Variants in DDX4 observed in about 807,000 individuals in gnomAD.
The protein encoded by DDX4 is probable ATP-dependent RNA helicase DDX4.
DDX4 carries 25 observed loss-of-function variants against 100.0 expected under a neutral mutation model. The ratio of observed to expected loss-of-function variants is 0.25; its 90% CI spans 0.18 to 0.35. The LOEUF is 0.35. Among genes scored for constraint, DDX4 ranks in the 10% least tolerant of loss-of-function variants. The probability of loss-of-function intolerance (pLI) is 1.00; values close to 1 mark genes in which losing one functional copy is unlikely to be tolerated. For synonymous variants in DDX4, 259 were observed against 275.7 expected (o/e 0.94, Z 0.60); for missense variants, 635 against 882.4 (o/e 0.72, Z 3.55).
chr5:55,761,014 T>A (rs1362199765), intron 4 of DDX4, among the ~76,000 whole-genome samples: 1 of 152,224 alleles, frequency 6.6e-6, no homozygotes, highest in Non-Finnish European at 1.5e-5. Context: ...AAAAACTCTA[T>A]TGAGACTTGC....
chr5:55,763,052 T>A lies in DDX4; in HGVS notation c.206-123T>A, dbSNP rs373133984. The A allele has an allele frequency of 2.9e-4, 173 of 599,088 alleles. 1 individual carries two copies. The Middle Eastern group carries it at 3.1e-3, about 11-fold the overall frequency. The allele number at this position is 599,088 out of a possible 1,614,324, so 37.1% of individuals were successfully genotyped here. A position where few individuals can be genotyped will look rare whatever the true frequency, so the allele number is the denominator to read the frequency against. On this transcript the variant is annotated intron_variant, in intron 4 of 21. Coordinates refer to ENST00000505374, the MANE Select transcript of DDX4 (RefSeq NM_024415.3). ...GGTATATTAATTAATTTTAGGTTTC[T>A]GTGCTACTCTTTTCCCATCCTTGGA...
chr5:55,812,319 T>C (rs1466926361), intron 18 of DDX4, among the ~76,000 whole-genome samples: 3 of 152,128 alleles, frequency 2.0e-5, no homozygotes, highest in Admixed American at 1.3e-4. Flanking sequence ...CCCAGCACTT[T>C]GGGAGGCCGA....
intron 3 of DDX4, among the ~76,000 whole-genome samples, chr5:55,748,730 T>A (rs576675102): frequency 1.3e-5 from 2 of 151,792 alleles, no homozygotes; most frequent in East Asian, 1.9e-4. Context: ...CTTATTGTTT[T>A]AAAAAAAAGG....
At chr5:55,798,663 T>C (rs1278695820) in intron 18 of DDX4, 92 bp downstream of exon 18, 13 of 1,256,048 alleles carry the variant, frequency 1.0e-5, no homozygotes, top group Non-Finnish European at 1.3e-5. Flanking sequence ...GGTCTGACTT[T>C]TCATAAGTTT....
chr5:55,807,415 C>T (rs1009685293), intron 18 of DDX4, among the ~76,000 whole-genome samples: 2 of 152,148 alleles, frequency 1.3e-5, no homozygotes, highest in African/African-American at 4.8e-5. Flanking sequence ...TTCTTCCTAG[C>T]CTTGATGGTC....
intron 18 of DDX4, among the ~76,000 whole-genome samples, chr5:55,809,979 T>G (rs561885677): frequency 6.6e-6 from 1 of 152,330 alleles, no homozygotes; most frequent in East Asian, 1.9e-4. Flanking sequence ...GGTAAAAGTA[T>G]ACTTTGGATG....
At chr5:55,788,763 G>C (rs1336228890) in intron 15 of DDX4, among the ~76,000 whole-genome samples, 4 of 152,086 alleles carry the variant, frequency 2.6e-5, no homozygotes, top group Admixed American at 6.5e-5. Context: ...TGTACATCTT[G>C]CTACATAGTT....
intron 6 of DDX4, among the ~76,000 whole-genome samples, chr5:55,767,130 G>GTCTT (rs1740973534): frequency 6.6e-6 from 1 of 152,190 alleles, no homozygotes; most frequent in South Asian, 2.1e-4. Flanking sequence ...AAGCACAAAT[G>GTCTT]TCTTGAGTTT....
Position 55,792,744 on chromosome 5 carries a change from T to C in DDX4, c.1406T>C (p.Met469Thr), listed in dbSNP as rs1321889873. 3 of 1,600,778 alleles carry C rather than the reference T, an allele frequency of 1.9e-6. No individual in the cohort carries two copies. The Admixed American group carries it at 5.1e-5, about 27-fold the overall frequency. The change falls in exon 17 of 22, where the codon ATG becomes ACG. Residue 469 changes from methionine (M) to threonine (T), a missense_variant. Coordinates refer to ENST00000505374, the MANE Select transcript of DDX4 (RefSeq NM_024415.3). ...AAGAAGTTAATTTCTTGCCCAGGAA[T>C]GCCATCAAAGGAACAGCGCCAAACC... ...EMKKLISCPGMPSKEQRQTLM... is the reference protein window; with the variant it reads ...EMKKLISCPGTPSKEQRQTLM...
chr5:55,796,175 G>A (rs531426401), intron 17 of DDX4, among the ~76,000 whole-genome samples: 2 of 152,246 alleles, frequency 1.3e-5, no homozygotes, highest in South Asian at 4.1e-4. Flanking sequence ...TAGCCAACTG[G>A]ATGGTGTCCA....
In DDX4 at chr5:55,816,813, A is replaced by G. The variant is rs1034070096; in HGVS notation, c.*273A>G. 10 of 390,638 alleles carry G rather than the reference A, an allele frequency of 2.6e-5. No homozygotes were observed. Among genetic ancestry groups the G allele is most frequent in the Non-Finnish European group, 3.0e-5 (7 of 232,368 alleles). The allele number at this position is 390,638 out of a possible 1,614,324, so 24.2% of individuals were successfully genotyped here. ...CTGGTATATTCTTTAGGGGGCTTAG[A>G]CATGTTTAATGTTTAAATGCCAAGT... On this transcript the variant is annotated 3_prime_UTR_variant, in exon 22 of 22. Coordinates refer to ENST00000505374, the MANE Select transcript of DDX4 (RefSeq NM_024415.3).
In DDX4 at chr5:55,772,243, G is replaced by T. The variant is rs370726678; in HGVS notation, c.394+4303G>T. On this transcript the variant is annotated intron_variant, in intron 7 of 21. Transcript: ENST00000505374. ...AAAAAGTAATTGTCATTAATCTGGA[G>T]TTTATTTTTGTATATAATGTGGGAA... is the stretch of plus-strand genomic sequence containing the variant. 7.1e-4 allele frequency among the ~76,000 whole-genome samples: 108 copies of T among 152,214 alleles called. 2 individuals carry two copies. The South Asian group carries it at 0.013, about 19-fold the overall frequency.
chr5:55,815,572 T>C (rs1411063932), intron 21 of DDX4, 149 bp downstream of exon 21: 2 of 1,181,516 alleles, frequency 1.7e-6, no homozygotes, highest in African/African-American at 3.2e-5. Context: ...ATTAACATTT[T>C]ATGTATATAC....
chr5:55,811,097 G>T (rs1744103697), intron 18 of DDX4, among the ~76,000 whole-genome samples: 1 of 149,480 alleles, frequency 6.7e-6, no homozygotes, highest in Non-Finnish European at 1.5e-5. Context: ...GGAAGGTAAA[G>T]AATAACTTTT....
At chr5:55,801,648 C>G (rs1254209456) in intron 18 of DDX4, among the ~76,000 whole-genome samples, 1 of 152,024 alleles carries the variant, frequency 6.6e-6, no homozygotes, top group African/African-American at 2.4e-5. Flanking sequence ...GAAGTTTGGT[C>G]TTATGTTTGG....
At chr5:55,758,148 A>G (rs1218056233) in intron 3 of DDX4, among the ~76,000 whole-genome samples, 1 of 152,220 alleles carries the variant, frequency 6.6e-6, no homozygotes, top group Non-Finnish European at 1.5e-5. Context: ...GTATATGTTA[A>G]GTCATGAAAG....
intron 18 of DDX4, among the ~76,000 whole-genome samples, chr5:55,806,920 G>A (rs187344136): frequency 6.6e-6 from 1 of 152,200 alleles, no homozygotes; most frequent in Non-Finnish European, 1.5e-5. Context: ...TTGACAGTGG[G>A]GTGTTAAAGT....
chr5:55,767,997 A>C, intron 7 of DDX4, 57 bp downstream of exon 7: 1 of 1,478,584 alleles, frequency 6.8e-7, no homozygotes, highest in South Asian at 1.1e-5. Flanking sequence ...AAACTGGTAA[A>C]ACTGATTTTG....
intron 6 of DDX4, among the ~76,000 whole-genome samples, chr5:55,765,962 G>A (rs1407345176): frequency 1.4e-5 from 2 of 147,298 alleles, no homozygotes; most frequent in Admixed American, 1.4e-4. Context: ...CCGCCATCAC[G>A]CCCGACTAAT....
Sources: gnomAD v4.1 joint callset for allele counts (sites outside exome capture counted in the v4.1 genomes callset) on GRCh38, gnomAD v4.1.1 for gene constraint, MANE v1.5 for transcripts, NCBI Gene and HGNC (gene_info 2026-07-23, HGNC 2026-07-21) for gene names.